B4GALT1: variants seen among roughly 807,000 people sequenced by gnomAD.
The protein encoded by B4GALT1 is beta-1,4-galactosyltransferase 1.
Under a neutral mutation model 34.9 loss-of-function variants are expected in B4GALT1, and 16 were observed. That is an observed-to-expected ratio of 0.46 (90% CI 0.31 to 0.70). The LOEUF is 0.70. B4GALT1 is among the 30% of genes least tolerant of loss of function. The pLI, the probability that B4GALT1 is intolerant of heterozygous loss-of-function variation, is 0.05. For missense variants in B4GALT1, 445 were observed against 530.5 expected, an observed-to-expected ratio of 0.84 and a Z score of 1.58; for synonymous variants, 221 against 218.1, an observed-to-expected ratio of 1.01 and a Z score of -0.12.
At chr9:33,155,292 A>G (rs1840580051) in intron 1 of B4GALT1, among the ~76,000 whole-genome samples, 2 of 152,362 alleles carry the variant, frequency 1.3e-5, no homozygotes, top group South Asian at 4.1e-4. Flanking sequence ...GCCCCGAGGT[A>G]GAATAAAGCA....
chr9:33,174,990 AATATATATATATAT>A, the B4GALT1 span, among the ~76,000 whole-genome samples: 83 of 4,838 alleles, frequency 0.017, 8 homozygotes, highest in African/African-American at 0.035. Flanking sequence ...AAAAAAAAAA[AATATATATATATAT>A]ATATATATAT....
the B4GALT1 span, chr9:33,179,784 C>T: frequency 6.6e-6 from 1 of 152,232 alleles, no homozygotes; most frequent in Non-Finnish European, 1.5e-5. Flanking sequence ...GAAGGCTAGG[C>T]TAAACTGTGA....
chr9:33,129,587 T>A (rs561488071), intron 2 of B4GALT1, among the ~76,000 whole-genome samples: 1 of 152,200 alleles, frequency 6.6e-6, no homozygotes, highest in Non-Finnish European at 1.5e-5. Flanking sequence ...CTGTACTGAC[T>A]ATGTACCAGC....
chr9:33,176,023 G>A, the B4GALT1 span, among the ~76,000 whole-genome samples: 1 of 152,164 alleles, frequency 6.6e-6, no homozygotes, highest in Non-Finnish European at 1.5e-5. Flanking sequence ...AGATTAATAA[G>A]AGGCACATAA....
At chr9:33,132,136 A>G (rs56687083) in intron 2 of B4GALT1, among the ~76,000 whole-genome samples, 56,326 of 151,868 alleles carry the variant, frequency 0.37, 11,177 homozygotes, top group East Asian at 0.59. Context: ...AGAAAAAAAA[A>G]AGATGATATT....
intron 1 of B4GALT1, among the ~76,000 whole-genome samples, 173 bp from the exon 2 acceptor site, chr9:33,135,597 A>G (rs1840257430): frequency 6.6e-6 from 1 of 152,216 alleles, no homozygotes; most frequent in African/African-American, 2.4e-5. Flanking sequence ...CACATCCAGC[A>G]TTAGGGTGAC....
exon 3 of B4GALT1, chr9:33,104,122 T>C (rs575452387): frequency 6.6e-6 from 1 of 152,204 alleles, no homozygotes. Flanking sequence ...ACTCCCAGAA[T>C]GGGTGTGGTA....
rs771315487 is a variant in B4GALT1, at chr9:33,166,934, G to T, written c.236C>A (p.Thr79Asn). 2 of 1,572,054 alleles carry T rather than the reference G, an allele frequency of 1.3e-6. No individual in the cohort carries two copies. The highest frequency in any genetic ancestry group is 4.6e-5 in the East Asian group (2 of 43,694). Residue 79 changes from threonine (T) to asparagine (N), a missense_variant, in exon 1 of 6, where the codon ACC becomes AAC. Thr to Asn is a moderately conservative substitution (Grantham distance 65, BLOSUM62 0). This residue lies in a region of B4GALT1 where 349 missense variants were observed against 395.5 expected (regional missense o/e 0.88). Transcript: ENST00000379731. Reference sequence around the variant, plus strand: ...AGGAGGCGGCGGCCGGGCCCCTCCGGTCCGGAGCTCCCCGGAGGACTGCCC... The same window carrying T: ...AGGAGGCGGCGGCCGGGCCCCTCCGTTCCGGAGCTCCCCGGAGGACTGCCC... ...AIGQSSGELR[T>N]GGARPPPPLG...
rs578102158 is a variant in B4GALT1 at position 33,130,603 on chromosome 9, G to A, written c.648+4586C>T. Among the ~76,000 whole-genome samples the A allele has an allele frequency of 9.4e-5, 12 of 127,130 alleles. No individual in the cohort carries two copies. The East Asian group carries it at 1.4e-3, about 15-fold the overall frequency. The allele number at this position is 127,130 out of a possible 152,430, so 83.4% of individuals were successfully genotyped here. ...TAGTACAATAATTACAGAGGCATAA[G>A]CCAAATGGGAGTGGTTAACAGCTTA... On this transcript the variant is annotated intron_variant, in intron 2 of 5. Transcript: ENST00000379731.
At chr9:33,127,642 G>A (rs10813950) in intron 2 of B4GALT1, among the ~76,000 whole-genome samples, 56,498 of 151,976 alleles carry the variant, frequency 0.37, 11,215 homozygotes, top group East Asian at 0.6. Flanking sequence ...CATTACCTAA[G>A]GGACTTCTAA....
At position 33,111,263 on chromosome 9, in the gene B4GALT1, A is replaced by C. The variant is rs1046328462; in HGVS notation, c.*2191T>G. The C allele has an allele frequency of 1.0e-4, 15 of 150,238 alleles. No homozygotes were observed. Among genetic ancestry groups the C allele is most frequent in the African/African-American group, 3.4e-4 (14 of 41,006 alleles). 9.3% of individuals were successfully genotyped at this position (150,238 alleles called of 1,614,324 possible). A position where few individuals can be genotyped will look rare whatever the true frequency, so the allele number is the denominator to read the frequency against. ...TGAGAAGGTAACCAAAAAAAAAAAA[A>C]AAAAAAAAAAAAAAACAACAAGAAA... is the stretch of plus-strand genomic sequence containing the variant. On this transcript the variant is annotated 3_prime_UTR_variant, in exon 6 of 6. Transcript: ENST00000379731.
chr9:33,162,529 C>T (rs1328589686), intron 1 of B4GALT1, among the ~76,000 whole-genome samples: 1 of 152,162 alleles, frequency 6.6e-6, no homozygotes, highest in African/African-American at 2.4e-5. Context: ...CATACAAGAC[C>T]CTTCAGATGG....
chr9:33,139,649 G>T (rs946219921), intron 1 of B4GALT1, among the ~76,000 whole-genome samples: 1 of 152,272 alleles, frequency 6.6e-6, no homozygotes, highest in Non-Finnish European at 1.5e-5. Context: ...CTCTGTCCCA[G>T]TGAGAAACTC....
chr9:33,123,377 G>C (rs1840050117), intron 2 of B4GALT1, among the ~76,000 whole-genome samples: 1 of 151,864 alleles, frequency 6.6e-6, no homozygotes, highest in Non-Finnish European at 1.5e-5. Context: ...ATATTCACTG[G>C]TGGGGATACC....
chr9:33,146,346 C>T (rs1248580206), intron 1 of B4GALT1, among the ~76,000 whole-genome samples: 1 of 152,232 alleles, frequency 6.6e-6, no homozygotes, highest in African/African-American at 2.4e-5. Flanking sequence ...TGCTGTATAT[C>T]TGTCCTTTTA....
At chr9:33,130,876 C>T (rs1447477239) in intron 2 of B4GALT1, among the ~76,000 whole-genome samples, 3 of 151,952 alleles carry the variant, frequency 2.0e-5, no homozygotes, top group African/African-American at 7.3e-5. Flanking sequence ...AATTCACCAC[C>T]ACAGAAGCAG....
chr9:33,144,075 C>T (rs1840391131), intron 1 of B4GALT1, among the ~76,000 whole-genome samples: 1 of 152,004 alleles, frequency 6.6e-6, no homozygotes, highest in South Asian at 2.1e-4. Flanking sequence ...GAGATAAGGT[C>T]TCACCTGAGA....
intron 2 of B4GALT1, among the ~76,000 whole-genome samples, chr9:33,121,155 A>G (rs1195410397): frequency 6.6e-6 from 1 of 152,182 alleles, no homozygotes; most frequent in African/African-American, 2.4e-5. Flanking sequence ...TCTACCTGTC[A>G]AGCACAAACC....
At chr9:33,108,090 TAAAC>T (rs1839814544), downstream of B4GALT1, among the ~76,000 whole-genome samples, 1 of 152,194 alleles carries the variant, frequency 6.6e-6, no homozygotes, top group African/African-American at 2.4e-5. Flanking sequence ...TTCAAACAAT[TAAAC>T]AAGCGTAACA....
Sources: gnomAD v4.1 joint callset for allele counts (sites outside exome capture counted in the v4.1 genomes callset) on GRCh38, gnomAD v4.1.1 for gene constraint, gnomAD v4.1.1 regional missense constraint, MANE v1.5 for transcripts, NCBI Gene and HGNC (gene_info 2026-07-23, HGNC 2026-07-21) for gene names.